Variants in SMTN observed in about 807,000 individuals in gnomAD.
The protein encoded by SMTN is smoothelin.
Under a neutral mutation model 102.0 loss-of-function variants are expected in SMTN, and 58 were observed. The observed-to-expected ratio is 0.57, with a 90% CI of 0.46 to 0.71. The LOEUF is 0.71. SMTN is among the 30% of genes least tolerant of loss of function. The probability of loss-of-function intolerance (pLI) is 0.00; values close to 1 mark genes in which losing one functional copy is unlikely to be tolerated. For synonymous variants in SMTN, 478 were observed against 497.9 expected (o/e 0.96, Z 0.53); for missense variants, 1,185 against 1,241.7 (o/e 0.95, Z 0.69).
At chr22:31,079,890 G>A (rs747181147), upstream of SMTN, among the ~76,000 whole-genome samples, 1 of 152,168 alleles carries the variant, frequency 6.6e-6, no homozygotes, top group African/African-American at 2.4e-5. Flanking sequence ...AGCCTCCCAA[G>A]TAGCTGGGAT....
intron 1 of SMTN, among the ~76,000 whole-genome samples, chr22:31,069,457 A>G (rs2041946671): frequency 2.6e-5 from 4 of 152,240 alleles, no homozygotes; most frequent in Admixed American, 2.6e-4. Context: ...TGAAGTTTCC[A>G]GATTTTTTAA....
chr22:31,079,789 A>G (rs1297489312), upstream of SMTN, among the ~76,000 whole-genome samples: 2 of 152,186 alleles, frequency 1.3e-5, no homozygotes, highest in East Asian at 3.9e-4. Context: ...TTTGAGACAG[A>G]ATCTTGCTCT....
chr22:31,100,644 G>A (rs1377208179), intron 19 of SMTN, among the ~76,000 whole-genome samples: 1 of 152,098 alleles, frequency 6.6e-6, no homozygotes, highest in African/African-American at 2.4e-5. Flanking sequence ...TGTCTGCATT[G>A]CACACCATTA....
At chr22:31,102,949 C>T (rs1319464661) in intron 20 of SMTN, 1 of 152,264 alleles carries the variant, frequency 6.6e-6, no homozygotes, top group African/African-American at 2.4e-5. Flanking sequence ...ACCCAGAACC[C>T]TCTCACTCAT....
intron 1 of SMTN, chr22:31,068,416 G>A (rs1265605398): frequency 1.3e-5 from 2 of 151,912 alleles, no homozygotes; most frequent in Non-Finnish European, 2.9e-5. Context: ...ATTCCTCATT[G>A]CCTGCTCCCA....
intron 11 of SMTN, chr22:31,093,769 G>T: frequency 6.3e-7 from 1 of 1,591,166 alleles, no homozygotes. Flanking sequence ...CGCCGACCCC[G>T]AGGCCCTCTT....
intron 20 of SMTN, chr22:31,103,612 G>A (rs2044266423): frequency 1.3e-5 from 2 of 152,492 alleles, no homozygotes; most frequent in African/African-American, 4.8e-5. Context: ...TCTGAAGGAT[G>A]GCCAGAAGGG....
chr22:31,081,658 G>A (rs903107952), intron 1 of SMTN, among the ~76,000 whole-genome samples: 7 of 152,258 alleles, frequency 4.6e-5, no homozygotes, highest in African/African-American at 1.7e-4. Flanking sequence ...CCCCACAGGG[G>A]CGCTAGTCTG....
At position 31,104,433 on chromosome 22, in the gene SMTN, C is replaced by T. The variant is rs772785716; in HGVS notation, c.*138C>T. On this transcript the variant is annotated 3_prime_UTR_variant, in exon 21 of 21. Coordinates refer to ENST00000333137, the MANE Select transcript of SMTN (RefSeq NM_134269.3). The stretch of plus-strand genomic sequence containing the variant: ...AGTCGCTCTACAACCACCTGCGACG[C>T]CACGAACTGCGCCTGCGCGGCAAGA... 1.2e-6 allele frequency: 2 copies of T among 1,614,112 alleles called. No individual in the cohort carries two copies.
Position 31,099,051 on chromosome 22 carries a change from C to T in SMTN, c.2334-11C>T, listed in dbSNP as rs1302100715. 10 of 1,608,580 alleles carry T rather than the reference C, an allele frequency of 6.2e-6. No homozygotes were observed. Among genetic ancestry groups the T allele is most frequent in the African/African-American group, 1.3e-5 (1 of 74,882 alleles). ...TAGTCGTGTGACCTGGTCCTGACAC[C>T]GCCCCTACAGCAGCCCTGGCGGACC... On this transcript the variant is annotated splice_polypyrimidine_tract_variant and intron_variant, in intron 17 of 20. Transcript: ENST00000333137.
chr22:31,089,718 A>G lies in SMTN; in HGVS notation c.491A>G (p.Gln164Arg), dbSNP rs1206155599. The part of the protein sequence containing the change: ...EQCEVPEREE[Q>R]EQQAEVSKPT... ...TTACAGGTGCCAGAGCGAGAGGAAC[A>G]GGAACAGCAGGCAGAGGTTTCAAAG... The change falls in exon 7 of 21, where the codon CAG (glutamine) becomes CGG (arginine). Residue 164 changes from glutamine (Q) to arginine (R), a missense_variant. Physicochemically the swap from Gln to Arg is conservative, Grantham distance 43. Coordinates refer to ENST00000333137, the MANE Select transcript of SMTN (RefSeq NM_134269.3). 6.2e-7 allele frequency: 1 copy of G among 1,603,016 alleles called. No individual in the cohort carries two copies. Among genetic ancestry groups the G allele is most frequent in the Admixed American group, 1.7e-5 (1 of 59,954 alleles).
chr22:31,088,021 A>G lies in SMTN; in HGVS notation c.108A>G (p.Glu36=). The part of the protein sequence containing the change: ...ERRRIRSAIR[E]LQRQELEREE... The stretch of plus-strand genomic sequence containing the variant: ...GGCGCATCCGCTCAGCCATCCGGGA[A>G]CTGCAGCGGCAGGAGCTGGAGCGCG... Residue 36 remains glutamate, a synonymous_variant, in exon 3 of 21, where the codon GAA becomes GAG. Transcript: ENST00000333137. The G allele has an allele frequency of 1.2e-6, 2 of 1,611,740 alleles. No individual in the cohort carries two copies. Among genetic ancestry groups the G allele is most frequent in the South Asian group, 2.2e-5 (2 of 91,032 alleles).
At chr22:31,076,266 C>T (rs1255315938) in intron 1 of SMTN, among the ~76,000 whole-genome samples, 3 of 152,188 alleles carry the variant, frequency 2.0e-5, no homozygotes, top group Non-Finnish European at 2.9e-5. Context: ...TTTCTCCCTG[C>T]CCCAGAGAGG....
At chr22:31,102,202 C>T (rs933617148) in intron 20 of SMTN, 6 of 152,152 alleles carry the variant, frequency 3.9e-5, no homozygotes, top group African/African-American at 1.4e-4. Context: ...AACTAACTAC[C>T]CCATTACAGA....
Position 31,099,129 on chromosome 22 carries a change from A to G in SMTN, c.2401A>G (p.Ile801Val), listed in dbSNP as rs1190052931. The change falls in exon 18 of 21, where the codon ATC becomes GTC. Residue 801 changes from isoleucine (I) to valine (V), a missense_variant. Ile to Val is a conservative substitution (Grantham distance 29). Transcript: ENST00000333137. ...CTTCGGGGTCCCCAACGCCAACAGCATCAAGCAGATGCTGCTGGACTGGTG... is the reference window on the plus strand; with the variant it reads ...CTTCGGGGTCCCCAACGCCAACAGCGTCAAGCAGATGCTGCTGGACTGGTG... ...TSFGVPNANS[I>V]KQMLLDWCRA... The G allele has an allele frequency of 1.9e-6, 3 of 1,613,280 alleles. No homozygotes were observed. Among genetic ancestry groups the G allele is most frequent in the African/African-American group, 2.7e-5 (2 of 74,924 alleles).
intron 1 of SMTN, among the ~76,000 whole-genome samples, chr22:31,072,947 C>T (rs1174743598): frequency 6.6e-6 from 1 of 151,558 alleles, no homozygotes; most frequent in East Asian, 1.9e-4. Flanking sequence ...AATTCTTTAC[C>T]TATAACTTGT....
chr22:31,090,710 G>T (rs1405027449), intron 8 of SMTN, 98 bp from the exon 9 acceptor site: 3 of 953,518 alleles, frequency 3.1e-6, no homozygotes, highest in Non-Finnish European at 5.1e-6. Flanking sequence ...TGGGAAGCTA[G>T]GGAGGTGTAG....
chr22:31,093,726 T>C, intron 11 of SMTN: 2 of 1,326,748 alleles, frequency 1.5e-6, no homozygotes, highest in Non-Finnish European at 1.1e-6. Context: ...GCCTTGAGCC[T>C]GAGCTGGAGC....
Position 31,095,506 on chromosome 22 carries a change from G to A in SMTN, c.1786-28G>A, listed in dbSNP as rs769892407. On this transcript the variant is annotated intron_variant, in intron 12 of 20. Transcript: ENST00000333137. The surrounding 1 kb of genome is among the most constrained non-coding windows in gnomAD (Gnocchi z 4.1). Reference sequence around the variant, plus strand: ...GGTTGGCAGAGGCCAGCAGGCACCAGGTAGGCAATGATGGGCTCTATATGC... The same window carrying A: ...GGTTGGCAGAGGCCAGCAGGCACCAAGTAGGCAATGATGGGCTCTATATGC... 12 of 1,614,098 alleles carry A rather than the reference G, an allele frequency of 7.4e-6. No homozygotes were observed. The Admixed American group carries it at 1.8e-4, about 25-fold the overall frequency.
Sources: gnomAD v4.1 joint callset for allele counts (sites outside exome capture counted in the v4.1 genomes callset) on GRCh38, gnomAD v4.1.1 for gene constraint, Gnocchi (gnomAD v3.1) non-coding constraint, MANE v1.5 for transcripts, NCBI Gene and HGNC (gene_info 2026-07-23, HGNC 2026-07-21) for gene names.